The following TTN variants were observed in gnomAD, a reference collection of about 807,000 sequenced individuals.
TTN encodes titin, also known as connectin.
Under a neutral mutation model 3,223.0 loss-of-function variants are expected in TTN, and 1,525 were observed. That is an observed-to-expected ratio of 0.47 (90% CI 0.45 to 0.49). TTN has a LOEUF of 0.49. Ranked by LOEUF, TTN falls within the 20% of genes least tolerant of loss-of-function variation. TTN has a pLI of 0.00. For synonymous variants in TTN, 14,094 were observed against 15,161.0 expected (o/e 0.93, Z 5.17); for missense variants, 40,786 against 43,424.0 (o/e 0.94, Z 5.40).
In TTN at chr2:178,590,974, T is replaced by A; in HGVS notation, c.60751A>T (p.Lys20251Ter). ...TCAAGGGGAGGACCAACACCTATCT[T>A]ATTCTCTGCTCTAACTCGGAAAACA... ...EYVFRVRAEN[K>*]IGVGPPLDST... The change falls in exon 304 of 363, where the codon AAG (lysine) becomes TAG (stop). Residue 20251 changes from lysine (K) to a stop codon, truncating the protein, a stop_gained. Transcript: ENST00000589042. LOFTEE classifies it high-confidence loss of function. The A allele has an allele frequency of 6.2e-7, 1 of 1,613,478 alleles. No individual in the cohort carries two copies. The highest frequency in any genetic ancestry group is 8.5e-7 in the Non-Finnish European group (1 of 1,179,558).
Position 178,728,225 on chromosome 2 carries a change from C to G in TTN, c.19599G>C (p.Glu6533Asp). 1 of 1,613,206 alleles carries G rather than the reference C, an allele frequency of 6.2e-7. No individual in the cohort carries two copies. The highest frequency in any genetic ancestry group is 8.5e-7 in the Non-Finnish European group (1 of 1,179,446). ...TSAKYRLVCH[E>D]RSVSLEVNNL... is the part of the protein sequence containing the mutation. Reference sequence around the variant, plus strand: ...TATTAACTTCCAGAGACACAGATCTCTCATGGCACACAAGTCTGTATTTTG... The same window carrying G: ...TATTAACTTCCAGAGACACAGATCTGTCATGGCACACAAGTCTGTATTTTG... Residue 6533 changes from glutamate to aspartate, a missense_variant, in exon 67 of 363, where the codon GAG becomes GAC. Transcript: ENST00000589042.
Position 178,717,809 on chromosome 2 carries a change from C to A in TTN, c.25065G>T (p.Ala8355=). ...VASSAVLVIK[A]RKLPPFFARK... ...TTGCAAAGAAAGGTGGAAGTTTGCG[C>A]GCTGTAAAGAAGTTACAGATAATCC... is the stretch of plus-strand genomic sequence containing the variant. The change falls in exon 87 of 363, where the codon GCG becomes GCT. Residue 8355 remains alanine, a splice_region_variant and synonymous_variant. Coordinates refer to ENST00000589042, the MANE Select transcript of TTN (RefSeq NM_001267550.2). The A allele has an allele frequency of 6.2e-7, 1 of 1,603,892 alleles. No individual in the cohort carries two copies. The highest frequency in any genetic ancestry group is 8.5e-7 in the Non-Finnish European group (1 of 1,174,870).
At chr2:178,540,735 G>A (rs1449139151) in intron 350 of TTN, among the ~76,000 whole-genome samples, 7 of 152,158 alleles carry the variant, frequency 4.6e-5, no homozygotes, top group African/African-American at 1.2e-4. Context: ...GACAGAGGTT[G>A]CAGTGAGCCA....
rs759304727 is a variant in TTN, at chr2:178,617,150, G to C, written c.47845C>G (p.Leu15949Val). 2 of 1,607,620 alleles carry C rather than the reference G, an allele frequency of 1.2e-6. No individual in the cohort carries two copies. Among genetic ancestry groups the C allele is most frequent in the Admixed American group, 3.4e-5 (2 of 59,210 alleles). The part of the protein sequence containing the change: ...KAGVSDPSEI[L>V]GPLTADDAFV... ...GCATCGTCAGCGGTGAGAGGACCAA[G>C]AATTTCAGATGGATCTGAAACACCA... Residue 15949 changes from leucine (L) to valine (V), a missense_variant, in exon 255 of 363, where the codon CTT (leucine) becomes GTT (valine). Transcript: ENST00000589042.
Position 178,591,869 on chromosome 2 carries a change from G to T in TTN, c.59950C>A (p.Leu19984Met). The T allele has an allele frequency of 6.2e-7, 1 of 1,611,660 alleles. No homozygotes were observed. Among genetic ancestry groups the T allele is most frequent in the Non-Finnish European group, 8.5e-7 (1 of 1,179,222 alleles). Residue 19984 changes from leucine (L) to methionine (M), a missense_variant, in exon 303 of 363, where the codon CTG becomes ATG. Transcript: ENST00000589042. ...PLHPPGPPKD[L>M]HHVDVDKTEV... ...GTCTTGTCAACATCTACATGGTGCA[G>T]GTCCTTGGGTGGCCCTGGGGGATCT...
chr2:178,738,451 G>A, intron 48 of TTN, 91 bp from the exon 49 acceptor site: 1 of 1,421,988 alleles, frequency 7.0e-7, no homozygotes, highest in Non-Finnish European at 9.3e-7. Flanking sequence ...TGTTAATGGA[G>A]TAAAACAGTT....
At position 178,712,449 on chromosome 2, in the gene TTN, C is replaced by T; in HGVS notation, c.27473G>A (p.Cys9158Tyr). The change falls in exon 95 of 363, where the codon TGT becomes TAT. Residue 9158 changes from cysteine to tyrosine, a missense_variant. Cys to Tyr is a radical substitution (Grantham distance 194). Coordinates refer to ENST00000589042, the MANE Select transcript of TTN (RefSeq NM_001267550.2). ...CGATTTTTCAGTCGTAGTTATATTA[C>T]ACCTCTGAGAAGGAGTTACATTTAT... The part of the protein sequence containing the change: ...NGINVTPSQR[C>Y]NITTTEKSAI... 2 of 1,613,808 alleles carry T rather than the reference C, an allele frequency of 1.2e-6. No homozygotes were observed. The highest frequency in any genetic ancestry group is 1.7e-6 in the Non-Finnish European group (2 of 1,179,808).
At chr2:178,584,039 C>A in intron 311 of TTN, 133 bp from the exon 312 acceptor site, 2 of 1,135,974 alleles carry the variant, frequency 1.8e-6, no homozygotes, top group Non-Finnish European at 2.4e-6. Context: ...AATAACCGTC[C>A]AACTAGTATG....
chr2:178,597,503 T>A (rs1354750344), intron 294 of TTN, 35 bp downstream of exon 294: 1 of 1,585,894 alleles, frequency 6.3e-7, no homozygotes, highest in African/African-American at 1.4e-5. Context: ...GAATGTTGGT[T>A]TAAAAAGTTG....
intron 17 of TTN, among the ~76,000 whole-genome samples, chr2:178,783,466 A>G (rs2092947600): frequency 6.6e-6 from 1 of 152,234 alleles, no homozygotes; most frequent in South Asian, 2.1e-4. Context: ...AGCTCCTGCA[A>G]TAATGCCTTC....
chr2:178,795,902 T>G (rs931499006), intron 6 of TTN, among the ~76,000 whole-genome samples: 3 of 152,218 alleles, frequency 2.0e-5, no homozygotes, highest in African/African-American at 7.2e-5. Context: ...ACAGCTACTT[T>G]TAATTTCCTC....
At chr2:178,637,310 G>T in intron 224 of TTN, 59 bp downstream of exon 224, 1 of 1,292,360 alleles carries the variant, frequency 7.7e-7, no homozygotes, top group Non-Finnish European at 1.0e-6. Flanking sequence ...CCTTGAATAT[G>T]AACTTTGGAA....
Position 178,545,436 on chromosome 2 carries a change from T to C in TTN, c.95674A>G (p.Ser31892Gly). 1.9e-6 allele frequency: 3 copies of C among 1,606,240 alleles called. No homozygotes were observed. Among genetic ancestry groups the C allele is most frequent in the Non-Finnish European group, 2.6e-6 (3 of 1,173,886 alleles). ...AAGTTGGAAGCTTCGCTGGGCTCAC[T>C]GTTACCAGCTGCATTCACTGCGGTC... is the stretch of plus-strand genomic sequence containing the variant. ...RVTAVNAAGN[S>G]EPSEASNFIS... is the part of the protein sequence containing the mutation. The change falls in exon 344 of 363, where the codon AGT (serine) becomes GGT (glycine). Residue 31892 changes from serine to glycine, a missense_variant. Physicochemically the swap from Ser to Gly is moderately conservative, Grantham distance 56. Coordinates refer to ENST00000589042, the MANE Select transcript of TTN (RefSeq NM_001267550.2).
In TTN at chr2:178,756,493, C is replaced by A. The variant is rs368025093; in HGVS notation, c.10983G>T (p.Lys3661Asn). Residue 3661 changes from lysine to asparagine, a missense_variant, in exon 46 of 363, where the codon AAG becomes AAT. Transcript: ENST00000589042. ...TGACGTCCTGAAGATGCAGGAAAAT[C>A]TTGGGCGCCTCACCCGTGGACTCTT... ...CAKESTGEAP[K>N]IFLHLQDVTV... The A allele has an allele frequency of 1.9e-6, 3 of 1,613,820 alleles. No individual in the cohort carries two copies. In the African/African-American group the frequency reaches 4.0e-5, roughly 22 times the overall value.
rs1703877060 is a variant in TTN, at chr2:178,562,072, T to C, written c.84060A>G (p.Leu28020=). Residue 28020 remains leucine (L), a synonymous_variant, in exon 326 of 363, where the codon CTA becomes CTG. Coordinates refer to ENST00000589042, the MANE Select transcript of TTN (RefSeq NM_001267550.2). The part of the protein sequence containing the change: ...NVSSSKTVTS[L]SIKEASKEDV... ...CTTCCTTTGAAGCTTCCTTAATAGA[T>C]AGTGATGTTACAGTCTTTGAAGAAG... The C allele has an allele frequency of 2.5e-6, 4 of 1,613,236 alleles. No individual in the cohort carries two copies. Among genetic ancestry groups the C allele is most frequent in the African/African-American group, 1.3e-5 (1 of 74,904 alleles).
At chr2:178,664,632 C>G (rs1351254469) in intron 167 of TTN, 22 bp downstream of exon 167, 4 of 1,611,422 alleles carry the variant, frequency 2.5e-6, no homozygotes, top group Admixed American at 3.3e-5. Flanking sequence ...TCCCACCCCT[C>G]TAAGCTTCCA....
In TTN at chr2:178,540,268, G is replaced by A. The variant is rs879182102; in HGVS notation, c.97898C>T (p.Thr32633Ile). 6.2e-7 allele frequency: 1 copy of A among 1,613,722 alleles called. No individual in the cohort carries two copies. The highest frequency in any genetic ancestry group is 1.3e-5 in the African/African-American group (1 of 74,902). ...VPEDEGGSKVTGYLIEMQKVD... is the reference protein window; with the variant it reads ...VPEDEGGSKVIGYLIEMQKVD... ...TTTTTGCATTTCAATCAAGTAGCCT[G>A]TGACTTTAGATCCTCCTTCATCTTC... is the stretch of plus-strand genomic sequence containing the variant. The change falls in exon 351 of 363, where the codon ACA becomes ATA. Residue 32633 changes from threonine to isoleucine, a missense_variant. Coordinates refer to ENST00000589042, the MANE Select transcript of TTN (RefSeq NM_001267550.2).
Position 178,539,796 on chromosome 2 carries a change from G to T in TTN, c.98269C>A (p.His32757Asn), listed in dbSNP as rs1438849988. 3 of 1,613,720 alleles carry T rather than the reference G, an allele frequency of 1.9e-6. No homozygotes were observed. Among genetic ancestry groups the T allele is most frequent in the Non-Finnish European group, 2.5e-6 (3 of 1,179,794 alleles). Reference protein sequence around the residue: ...KRAMIATSETHTELVIKEADR... With the variant: ...KRAMIATSETNTELVIKEADR... ...GCTTCTTTGATCACAAGCTCAGTGT[G>T]TGTTTCAGATGTTGCAATCATGGCA... The change falls in exon 352 of 363, where the codon CAC (histidine) becomes AAC (asparagine). Residue 32757 changes from histidine to asparagine, a missense_variant. By Grantham distance (68) the His-to-Asn change is moderately conservative (BLOSUM62 1). Transcript: ENST00000589042.
rs751316145 is a variant in TTN, at chr2:178,543,915, G to T, written c.96229C>A (p.Arg32077=). 4 of 1,613,454 alleles carry T rather than the reference G, an allele frequency of 2.5e-6. No individual in the cohort carries two copies. The African/African-American group carries it at 5.3e-5, about 22-fold the overall frequency. The change falls in exon 346 of 363, where the codon CGG becomes AGG. Residue 32077 remains arginine (R), a synonymous_variant. Coordinates refer to ENST00000589042, the MANE Select transcript of TTN (RefSeq NM_001267550.2). ...ATTGTGTATTTTCCAGCATCGTACC[G>T]ATTAACTTTGTCCACTATTAGCAAT... The part of the protein sequence containing the change: ...YSLLIVDKVN[R]YDAGKYTIEA...
Sources: allele counts gnomAD v4.1 joint callset (sites outside exome capture counted in the v4.1 genomes callset), GRCh38; gene constraint gnomAD v4.1.1; transcripts MANE v1.5; gene names NCBI Gene and HGNC (gene_info 2026-07-23, HGNC 2026-07-21).